Variants in RSPO4 observed in about 807,000 individuals in gnomAD.
The protein encoded by RSPO4 is R-spondin 4, also known as R-spondin-4.
RSPO4 carries 23 observed loss-of-function variants against 24.8 expected under a neutral mutation model. The observed-to-expected ratio is 0.93, with a 90% CI of 0.67 to 1.31. The LOEUF is 1.31. Among genes scored for constraint, RSPO4 ranks in the 40% most tolerant of loss-of-function variants. The pLI is 0.00. For missense variants in RSPO4, 333 were observed against 316.5 expected (o/e 1.05, Z -0.39); for synonymous variants, 141 against 127.4 (o/e 1.11, Z -0.72).
chr20:976,986 G>A (rs149796024), intron 1 of RSPO4, among the ~76,000 whole-genome samples: 71 of 152,264 alleles, frequency 4.7e-4, no homozygotes, highest in African/African-American at 1.5e-3. Context: ...TGTTCCCCAG[G>A]TTACTGCAGA....
At chr20:989,836 C>T (rs1365504231) in intron 1 of RSPO4, among the ~76,000 whole-genome samples, 2 of 152,206 alleles carry the variant, frequency 1.3e-5, no homozygotes, top group Non-Finnish European at 2.9e-5. Context: ...ACCCCACCCC[C>T]AGCTGGAGAC....
intron 1 of RSPO4, among the ~76,000 whole-genome samples, chr20:989,389 G>T (rs1408156201): frequency 6.6e-6 from 1 of 152,222 alleles, no homozygotes; most frequent in Non-Finnish European, 1.5e-5. Flanking sequence ...GGTAAAGTGA[G>T]GTAATAACCT....
At chr20:976,779 C>A (rs1364746884) in intron 1 of RSPO4, among the ~76,000 whole-genome samples, 4 of 151,986 alleles carry the variant, frequency 2.6e-5, no homozygotes, top group Non-Finnish European at 5.9e-5. Flanking sequence ...AATACCCAAG[C>A]CAGAAAGCCT....
chr20:990,587 T>C (rs1985069049), intron 1 of RSPO4, among the ~76,000 whole-genome samples: 2 of 151,624 alleles, frequency 1.3e-5, no homozygotes, highest in Admixed American at 6.6e-5. Context: ...TCCCTCTCTC[T>C]CTTCCTGGGG....
intron 1 of RSPO4, among the ~76,000 whole-genome samples, chr20:986,460 T>C (rs2122251212): frequency 6.6e-6 from 1 of 151,686 alleles, no homozygotes; most frequent in Middle Eastern, 3.4e-3. Flanking sequence ...ACAGGGCAAA[T>C]CAGTGGAGTC....
At chr20:963,857 G>A in intron 4 of RSPO4, 78 bp downstream of exon 4, 1 of 1,407,002 alleles carries the variant, frequency 7.1e-7, no homozygotes, top group East Asian at 2.3e-5. Context: ...GATACTATTT[G>A]TGGGGCAGTG....
intron 4 of RSPO4, among the ~76,000 whole-genome samples, chr20:961,728 C>T (rs1474134475): frequency 2.6e-5 from 4 of 152,064 alleles, no homozygotes; most frequent in Non-Finnish European, 5.9e-5. Flanking sequence ...TGTGTCCCTA[C>T]CCCTTCCCTA....
chr20:976,339 G>C (rs913052487), intron 1 of RSPO4, among the ~76,000 whole-genome samples: 1 of 152,212 alleles, frequency 6.6e-6, no homozygotes, highest in Non-Finnish European at 1.5e-5. Context: ...GCAGGGTCCA[G>C]GGACATGGTC....
At chr20:962,863 G>A (rs1366933236) in intron 4 of RSPO4, among the ~76,000 whole-genome samples, 2 of 152,200 alleles carry the variant, frequency 1.3e-5, no homozygotes, top group African/African-American at 4.8e-5. Context: ...TGACCCTTAG[G>A]TGAGTGACTC....
rs1196148107 is a variant in RSPO4, at chr20:993,609, T to A, written c.79+8477A>T. On this transcript the variant is annotated intron_variant, in intron 1 of 4. Transcript: ENST00000217260. ...GTCAAGCCACTTCATGGGGCTATAA[T>A]GTGGGTAGCCTGGGAGGAGGGCTGG... Among the ~76,000 whole-genome samples the A allele has an allele frequency of 2.0e-5, 3 of 152,218 alleles. No homozygotes were observed. The East Asian group carries it at 5.8e-4, about 29-fold the overall frequency.
chr20:964,364 T>C (rs1984113200), intron 3 of RSPO4, among the ~76,000 whole-genome samples: 3 of 152,072 alleles, frequency 2.0e-5, no homozygotes, highest in Middle Eastern at 3.2e-3. Context: ...AAAGGCTTCC[T>C]GGAGGAGGTG....
Position 960,358 on chromosome 20 carries a change from C to G in RSPO4, c.704G>C (p.Ter235SerextTer10), listed in dbSNP as rs1185347143. The G allele has an allele frequency of 6.5e-7, 1 of 1,535,586 alleles. No homozygotes were observed. The highest frequency in any genetic ancestry group is 8.7e-7 in the Non-Finnish European group (1 of 1,145,956). ...VRPRQPGLQP* is the reference protein window; with the variant it reads ...VRPRQPGLQPS ...CCAGAGAGTCGGGAGAGCCGGCGGT[C>G]AGGGCTGCAGGCCGGGCTGGCGCGG... The change falls in exon 5 of 5, where the codon TGA (stop) becomes TCA (serine). Residue 235 changes from the stop codon to serine (S), a stop_lost. Coordinates refer to ENST00000217260, the MANE Select transcript of RSPO4 (RefSeq NM_001029871.4).
intron 1 of RSPO4, among the ~76,000 whole-genome samples, chr20:994,753 G>A (rs1296808257): frequency 6.6e-6 from 1 of 152,124 alleles, no homozygotes; most frequent in Non-Finnish European, 1.5e-5. Context: ...TAGTAGAGAT[G>A]GGGTTTCACC....
Position 981,015 on chromosome 20 carries a change from C to T in RSPO4, c.80-12877G>A, listed in dbSNP as rs1046176996. On this transcript the variant is annotated intron_variant, in intron 1 of 4. Coordinates refer to ENST00000217260, the MANE Select transcript of RSPO4 (RefSeq NM_001029871.4). This position sits in a 1 kb window ranked among gnomAD's most constrained non-coding sequence, Gnocchi z 4.6. ...TGGAATGGGGCCAGAGGTGCTGGCCCGAGAACTCACTTTAAGAAGCGAGGC... is the reference window on the plus strand; with the variant it reads ...TGGAATGGGGCCAGAGGTGCTGGCCTGAGAACTCACTTTAAGAAGCGAGGC... Among the ~76,000 whole-genome samples, 6 of 152,130 alleles carry T rather than the reference C, an allele frequency of 3.9e-5. No individual in the cohort carries two copies. Among genetic ancestry groups the T allele is most frequent in the African/African-American group, 7.2e-5 (3 of 41,422 alleles).
chr20:989,175 C>G (rs973859283), intron 1 of RSPO4, among the ~76,000 whole-genome samples: 1 of 152,094 alleles, frequency 6.6e-6, no homozygotes, highest in Non-Finnish European at 1.5e-5. Context: ...ATTCTCACAA[C>G]CGTGACATTC....
rs1984233469 is a variant in RSPO4 at position 967,181 on chromosome 20, C to G, written c.402G>C (p.Glu134Asp). The change falls in exon 3 of 5, where the codon GAG becomes GAC. Residue 134 changes from glutamate to aspartate, a missense_variant. Physicochemically the swap from Glu to Asp is conservative, Grantham distance 45 (BLOSUM62 2). Coordinates refer to ENST00000217260, the MANE Select transcript of RSPO4 (RefSeq NM_001029871.4). ...PGTLAHQNTR[E>D]CQGECELGPW... ...GGGGAGGTCCCCACTCACCCTGGCA[C>G]TCCCGTGTGTTCTGGTGGGCCAAAG... 1 of 1,613,564 alleles carries G rather than the reference C, an allele frequency of 6.2e-7. No homozygotes were observed. Among genetic ancestry groups the G allele is most frequent in the Non-Finnish European group, 8.5e-7 (1 of 1,179,958 alleles).
At chr20:989,619 A>G (rs963887803) in intron 1 of RSPO4, among the ~76,000 whole-genome samples, 1 of 151,792 alleles carries the variant, frequency 6.6e-6, no homozygotes, top group Non-Finnish European at 1.5e-5. Context: ...CACCTTGGAA[A>G]CCTCTCCTGG....
At chr20:978,137 G>A (rs1190688570) in intron 1 of RSPO4, among the ~76,000 whole-genome samples, 2 of 152,204 alleles carry the variant, frequency 1.3e-5, no homozygotes, top group East Asian at 1.9e-4. Flanking sequence ...CACTCAGGAG[G>A]TGGGGGGACC....
chr20:982,772 G>A (rs1984780192), intron 1 of RSPO4, among the ~76,000 whole-genome samples: 1 of 152,190 alleles, frequency 6.6e-6, no homozygotes, highest in Non-Finnish European at 1.5e-5. Context: ...CAGCAATACT[G>A]GGGACAATAA....
Sources: allele counts gnomAD v4.1 joint callset (sites outside exome capture counted in the v4.1 genomes callset), GRCh38; gene constraint gnomAD v4.1.1; non-coding constraint Gnocchi (gnomAD v3.1); transcripts MANE v1.5; gene names NCBI Gene and HGNC (gene_info 2026-07-23, HGNC 2026-07-21).